The following LUZP2 variants were observed in gnomAD, a reference collection of about 807,000 sequenced individuals.
LUZP2 encodes leucine zipper protein 2.
A neutral mutation model predicts 51.6 loss-of-function variants in LUZP2; 52 were observed. The ratio of observed to expected loss-of-function variants is 1.01; its 90% CI spans 0.81 to 1.27. The LOEUF (loss-of-function observed/expected upper bound fraction) is 1.27. LUZP2 is among the 50% of genes most tolerant of loss of function. LUZP2 has a pLI of 0.00. For missense variants in LUZP2, 436 were observed against 395.4 expected (o/e 1.10, Z -0.87); for synonymous variants, 154 against 137.3 (o/e 1.12, Z -0.85).
chr11:24,814,576 C>T (rs917093981), intron 5 of LUZP2, among the ~76,000 whole-genome samples: 1 of 152,162 alleles, frequency 6.6e-6, no homozygotes, highest in African/African-American at 2.4e-5. Context: ...TCCTTTCTTG[C>T]AAATGGTTTC....
At chr11:24,680,308 T>C (rs577150130) in intron 1 of LUZP2, among the ~76,000 whole-genome samples, 1 of 152,316 alleles carries the variant, frequency 6.6e-6, no homozygotes, top group African/African-American at 2.4e-5. Context: ...GTAGCAGCAC[T>C]AGACTTGCTT....
intron 5 of LUZP2, among the ~76,000 whole-genome samples, chr11:24,787,891 A>G (rs1258356201): frequency 1.3e-5 from 2 of 152,200 alleles, no homozygotes; most frequent in African/African-American, 4.8e-5. Context: ...ATCTTGAGTC[A>G]CTGGGACTAC....
chr11:24,989,267 T>C (rs1268456763), intron 9 of LUZP2, among the ~76,000 whole-genome samples: 1 of 151,638 alleles, frequency 6.6e-6, no homozygotes, highest in African/African-American at 2.4e-5. Context: ...AAATGGGGCT[T>C]TCAGTCAATT....
intron 1 of LUZP2, among the ~76,000 whole-genome samples, chr11:24,653,952 T>C (rs1316225243): frequency 2.0e-5 from 3 of 152,192 alleles, no homozygotes; most frequent in Admixed American, 2.0e-4. Context: ...TATGTAAGTC[T>C]AAAAGAGTAG....
intron 7 of LUZP2, among the ~76,000 whole-genome samples, chr11:24,925,923 C>A (rs1243735680): frequency 6.6e-6 from 1 of 151,788 alleles, no homozygotes; most frequent in African/African-American, 2.4e-5. Flanking sequence ...TCCCCAAAGT[C>A]CATTGTATTA....
chr11:24,975,745 A>G (rs546275323), intron 7 of LUZP2, among the ~76,000 whole-genome samples: 1 of 152,188 alleles, frequency 6.6e-6, no homozygotes, highest in Admixed American at 6.6e-5. Context: ...GGATTTGAAT[A>G]TATGAATTCC....
chr11:24,794,810 G>T (rs1276412983), intron 5 of LUZP2, among the ~76,000 whole-genome samples: 1 of 151,914 alleles, frequency 6.6e-6, no homozygotes, highest in Non-Finnish European at 1.5e-5. Context: ...GTAAATAAAA[G>T]ATATAAGATA....
intron 9 of LUZP2, among the ~76,000 whole-genome samples, chr11:25,033,014 C>T (rs749488486): frequency 2.0e-5 from 3 of 152,126 alleles, no homozygotes; most frequent in Non-Finnish European, 4.4e-5. Flanking sequence ...TTGCTTTTCC[C>T]TCTTAACAAT....
Position 24,776,184 on chromosome 11 carries a change from A to G in LUZP2, c.396+12876A>G, listed in dbSNP as rs1357418976. Among the ~76,000 whole-genome samples, 3 of 152,212 alleles carry G rather than the reference A, an allele frequency of 2.0e-5. No homozygotes were observed. The East Asian group carries it at 5.8e-4, about 29-fold the overall frequency. On this transcript the variant is annotated intron_variant, in intron 5 of 11. Transcript: ENST00000336930. Reference sequence around the variant, plus strand: ...CTAATTATCACTTTTAGACAGTCTCATTTCATCTCTTAAAGCATTTCTTTC... The same window carrying G: ...CTAATTATCACTTTTAGACAGTCTCGTTTCATCTCTTAAAGCATTTCTTTC...
chr11:24,804,181 C>T (rs1037663717), intron 5 of LUZP2, among the ~76,000 whole-genome samples: 19 of 151,920 alleles, frequency 1.3e-4, no homozygotes, highest in African/African-American at 4.4e-4. Context: ...GGCACAAAGA[C>T]CAAATACATT....
intron 1 of LUZP2, among the ~76,000 whole-genome samples, chr11:24,720,054 TA>T (rs1186206286): frequency 2.0e-5 from 3 of 152,192 alleles, no homozygotes; most frequent in African/African-American, 7.2e-5. Context: ...GACAAATTAT[TA>T]AATATTATGT....
chr11:24,895,409 G>A (rs1853009023), intron 5 of LUZP2, among the ~76,000 whole-genome samples: 1 of 151,882 alleles, frequency 6.6e-6, no homozygotes, highest in South Asian at 2.1e-4. Flanking sequence ...ATGTGTAGGT[G>A]TGTTTCCTGC....
intron 9 of LUZP2, among the ~76,000 whole-genome samples, chr11:24,998,237 T>A (rs1179856547): frequency 6.6e-6 from 1 of 152,210 alleles, no homozygotes; most frequent in Non-Finnish European, 1.5e-5. Flanking sequence ...CGATATCGAT[T>A]CTTCCTACCC....
intron 7 of LUZP2, among the ~76,000 whole-genome samples, chr11:24,972,008 G>A (rs536632085): frequency 6.6e-6 from 1 of 151,856 alleles, no homozygotes; most frequent in East Asian, 2.0e-4. Context: ...TGGGTGTGGT[G>A]GCATGCACCT....
intron 1 of LUZP2, among the ~76,000 whole-genome samples, chr11:24,619,636 G>A (rs1293192276): frequency 1.3e-5 from 2 of 152,046 alleles, no homozygotes; most frequent in African/African-American, 4.8e-5. Flanking sequence ...ATTGGTTCCA[G>A]TACCTTCCAC....
At chr11:24,908,919 A>C (rs1590716831) in intron 6 of LUZP2, among the ~76,000 whole-genome samples, 1 of 150,062 alleles carries the variant, frequency 6.7e-6, no homozygotes, top group African/African-American at 2.4e-5. Context: ...CCGCCACCAC[A>C]CCCAGCTAAT....
chr11:24,635,385 G>A (rs1025269193), intron 1 of LUZP2, among the ~76,000 whole-genome samples: 23 of 151,300 alleles, frequency 1.5e-4, no homozygotes, highest in African/African-American at 5.3e-4. Flanking sequence ...CATGTTATAA[G>A]CAACATGTAA....
Position 24,761,480 on chromosome 11 carries a change from G to A in LUZP2, c.334-1766G>A, listed in dbSNP as rs545800882. ...GATTAGGGTGGGAACACAGACCCAA[G>A]ACACATCATCCAGTAACTGGGAAAT... On this transcript the variant is annotated intron_variant, in intron 4 of 11. Coordinates refer to ENST00000336930, the MANE Select transcript of LUZP2 (RefSeq NM_001009909.4). Among the ~76,000 whole-genome samples, 3 of 152,206 alleles carry A rather than the reference G, an allele frequency of 2.0e-5. No homozygotes were observed. In the South Asian group the frequency reaches 6.2e-4, roughly 32 times the overall value.
At chr11:24,500,498 T>C (rs12293130) in intron 1 of LUZP2, among the ~76,000 whole-genome samples, 5,204 of 152,260 alleles carry the variant, frequency 0.034, 206 homozygotes, top group African/African-American at 0.092. Flanking sequence ...AGGTAGGCAG[T>C]AATTCACTTC....
Sources: allele counts gnomAD v4.1 joint callset (sites outside exome capture counted in the v4.1 genomes callset), GRCh38; gene constraint gnomAD v4.1.1; transcripts MANE v1.5; gene names NCBI Gene and HGNC (gene_info 2026-07-23, HGNC 2026-07-21).